TRAIP: variants seen among roughly 807,000 people sequenced by gnomAD.
The protein encoded by TRAIP is TRAF interacting protein.
In TRAIP, 37 loss-of-function variants were observed where a neutral mutation model predicts 65.0. The observed-to-expected ratio is 0.57, with a 90% confidence interval of 0.44 to 0.75. The LOEUF (loss-of-function observed/expected upper bound fraction) is 0.75. Among genes scored for constraint, TRAIP ranks in the 30% least tolerant of loss-of-function variants. The probability of loss-of-function intolerance (pLI) is 0.00; values close to 1 mark genes in which losing one functional copy is unlikely to be tolerated. For missense variants in TRAIP, 481 were observed against 579.4 expected (o/e 0.83, Z 1.74); for synonymous variants, 187 against 219.1 (o/e 0.85, Z 1.29).
chr3:49,834,424 G>A (rs1158223652), intron 10 of TRAIP, among the ~76,000 whole-genome samples: 2 of 152,154 alleles, frequency 1.3e-5, no homozygotes, highest in Non-Finnish European at 2.9e-5. Context: ...ACAAGGAGGG[G>A]GTCCATGAAG....
At chr3:49,844,158 A>G (rs1240385556) in intron 4 of TRAIP, 4 of 605,142 alleles carry the variant, frequency 6.6e-6, no homozygotes, top group East Asian at 2.8e-5. Flanking sequence ...CTACTTAGGA[A>G]AATATTTTAC....
intron 10 of TRAIP, among the ~76,000 whole-genome samples, chr3:49,833,255 A>G (rs2081751402): frequency 6.6e-6 from 1 of 152,154 alleles, no homozygotes; most frequent in African/African-American, 2.4e-5. Context: ...TGGGTCCTGT[A>G]AATTTTACCC....
intron 8 of TRAIP, 39 bp from the exon 9 acceptor site, chr3:49,840,412 G>C: frequency 6.4e-7 from 1 of 1,568,938 alleles, no homozygotes; most frequent in South Asian, 1.1e-5. Flanking sequence ...AAGCCAAGTG[G>C]TAGCCTTGTG....
At chr3:49,832,640 C>G (rs949581681) in intron 10 of TRAIP, among the ~76,000 whole-genome samples, 1 of 143,050 alleles carries the variant, frequency 7.0e-6, no homozygotes, top group South Asian at 2.2e-4. Context: ...ACCATAAGTA[C>G]CTCTATGATA....
At chr3:49,831,664 TTCTC>T (rs1241333986) in intron 11 of TRAIP, among the ~76,000 whole-genome samples, 3 of 152,230 alleles carry the variant, frequency 2.0e-5, no homozygotes, top group South Asian at 2.1e-4. Flanking sequence ...CATCACTGCA[TTCTC>T]TCTAACTTGC....
intron 11 of TRAIP, 46 bp from the exon 12 acceptor site, chr3:49,830,114 G>A (rs780180503): frequency 6.2e-7 from 1 of 1,605,318 alleles, no homozygotes; most frequent in Admixed American, 1.7e-5. Context: ...GCAAGACATG[G>A]GGGCAGGTGA....
At chr3:49,848,116 G>A in intron 2 of TRAIP, 27 bp downstream of exon 2, 4 of 1,613,256 alleles carry the variant, frequency 2.5e-6, no homozygotes, top group Non-Finnish European at 3.4e-6. Flanking sequence ...CTCTTCAGTT[G>A]AGGTGGTCCC....
chr3:49,834,872 A>G (rs2081766923), intron 10 of TRAIP, among the ~76,000 whole-genome samples: 1 of 152,218 alleles, frequency 6.6e-6, no homozygotes, highest in Non-Finnish European at 1.5e-5. Flanking sequence ...CAAAACAGAC[A>G]TACTCAAAGA....
chr3:49,844,994 G>C (rs559889711), intron 3 of TRAIP, among the ~76,000 whole-genome samples: 6 of 152,266 alleles, frequency 3.9e-5, no homozygotes, highest in Admixed American at 1.3e-4. Flanking sequence ...AAGGACCTTG[G>C]GCGACTACTC....
Position 49,841,010 on chromosome 3 carries a change from T to A in TRAIP, c.680A>T (p.Lys227Met). The A allele has an allele frequency of 6.2e-7, 1 of 1,614,178 alleles. No individual in the cohort carries two copies. ...CTTGCTTCTGGAGGAAAACAAATCCTTCCTCAGCTTGTCAGCCACCTCCCC... is the reference window on the plus strand; with the variant it reads ...CTTGCTTCTGGAGGAAAACAAATCCATCCTCAGCTTGTCAGCCACCTCCCC... ...ASGEVADKLR[K>M]DLFSSRSKLQ... is the part of the protein sequence containing the mutation. The change falls in exon 8 of 15, where the codon AAG becomes ATG. Residue 227 changes from lysine (K) to methionine (M), a missense_variant. Lys to Met is a moderately conservative substitution (Grantham distance 95). Coordinates refer to ENST00000331456, the MANE Select transcript of TRAIP (RefSeq NM_005879.3).
chr3:49,829,823 G>C, intron 12 of TRAIP, 57 bp from the exon 13 acceptor site: 4 of 1,606,342 alleles, frequency 2.5e-6, no homozygotes, highest in Non-Finnish European at 3.4e-6. Context: ...AAAGGAGGGA[G>C]GGTAGTGGTG....
In TRAIP at chr3:49,828,973, A is replaced by G. The variant is rs1575387527; in HGVS notation, c.*130T>C. On this transcript the variant is annotated 3_prime_UTR_variant, in exon 15 of 15. Transcript: ENST00000331456. ...GTCTCTGGGTGCCACACTCACCCTC[A>G]CCTGTTTGTCTGCCCTTACACCTCA... The G allele has an allele frequency of 7.7e-7, 1 of 1,293,762 alleles. No individual in the cohort carries two copies. Among genetic ancestry groups the G allele is most frequent in the Non-Finnish European group, 1.1e-6 (1 of 911,850 alleles). 80.1% of individuals were successfully genotyped at this position (1,293,762 alleles called of 1,614,324 possible). A position where few individuals can be genotyped will look rare whatever the true frequency, so the allele number is the denominator to read the frequency against.
intron 10 of TRAIP, among the ~76,000 whole-genome samples, chr3:49,837,488 C>CAACA (rs1481210336): frequency 6.6e-6 from 1 of 151,992 alleles, no homozygotes. Flanking sequence ...ACAAACAAAC[C>CAACA]AACAAACAAA....
intron 11 of TRAIP, among the ~76,000 whole-genome samples, chr3:49,830,633 C>T (rs2081722923): frequency 1.3e-5 from 2 of 152,194 alleles, no homozygotes; most frequent in South Asian, 2.1e-4. Context: ...GCGCATGGCC[C>T]CAGGCCCTGG....
intron 6 of TRAIP, among the ~76,000 whole-genome samples, chr3:49,842,193 GA>G (rs1317306062): frequency 2.0e-5 from 3 of 152,180 alleles, no homozygotes; most frequent in Non-Finnish European, 2.9e-5. Flanking sequence ...TTTCTGGAAG[GA>G]AAGACCCACC....
intron 1 of TRAIP, 84 bp downstream of exon 1, chr3:49,856,272 G>T: frequency 8.1e-7 from 1 of 1,231,586 alleles, no homozygotes; most frequent in Non-Finnish European, 1.2e-6. Context: ...GGATTCCGGG[G>T]TTGGACCGCC....
At chr3:49,841,175 A>G in intron 7 of TRAIP, 103 bp from the exon 8 acceptor site, 1 of 951,194 alleles carries the variant, frequency 1.1e-6, no homozygotes, top group East Asian at 2.4e-5. Context: ...CCCTCAACTC[A>G]CTCTCATTCC....
intron 3 of TRAIP, among the ~76,000 whole-genome samples, chr3:49,844,996 C>T (rs1004455813): frequency 6.6e-6 from 1 of 152,208 alleles, no homozygotes; most frequent in Non-Finnish European, 1.5e-5. Context: ...GGACCTTGGG[C>T]GACTACTCCT....
intron 7 of TRAIP, 151 bp from the exon 8 acceptor site, chr3:49,841,223 C>T (rs1472666415): frequency 3.0e-6 from 2 of 670,906 alleles, no homozygotes; most frequent in Non-Finnish European, 5.3e-6. Context: ...CCAGGTGGCA[C>T]TGTGGAGGGT....
Sources: gnomAD v4.1 joint callset for allele counts (sites outside exome capture counted in the v4.1 genomes callset) on GRCh38, gnomAD v4.1.1 for gene constraint, MANE v1.5 for transcripts, NCBI Gene and HGNC (gene_info 2026-07-23, HGNC 2026-07-21) for gene names.